The following COL5A2 variants were observed in gnomAD, a reference collection of about 807,000 sequenced individuals.
COL5A2 encodes the protein collagen alpha-2(V) chain.
A neutral mutation model predicts 208.2 loss-of-function variants in COL5A2; 23 were observed. That is an observed-to-expected ratio of 0.11 (90% CI 0.08 to 0.16). The LOEUF (loss-of-function observed/expected upper bound fraction) is 0.16. Ranked by LOEUF, COL5A2 falls within the 10% of genes least tolerant of loss-of-function variation. COL5A2 has a pLI of 1.00. For missense variants in COL5A2, 1,590 were observed against 1,956.4 expected (o/e 0.81, Z 3.53); for synonymous variants, 625 against 628.5 (o/e 0.99, Z 0.08).
chr2:189,228,950 G>A (rs1689449078), upstream of COL5A2, among the ~76,000 whole-genome samples: 1 of 151,740 alleles, frequency 6.6e-6, no homozygotes, highest in African/African-American at 2.4e-5. Context: ...TGTATTAAAA[G>A]GATCACACTA....
the COL5A2 span, among the ~76,000 whole-genome samples, chr2:189,327,357 G>A: frequency 6.6e-5 from 10 of 152,184 alleles, no homozygotes; most frequent in African/African-American, 2.4e-4. Flanking sequence ...AAAAATTGTT[G>A]AGGGTTGGGC....
chr2:189,152,517 T>C (rs540144381), intron 1 of COL5A2, among the ~76,000 whole-genome samples: 26 of 152,314 alleles, frequency 1.7e-4, no homozygotes, highest in Admixed American at 1.7e-3. Flanking sequence ...CCCAGAGAAT[T>C]CACAGTGGAA....
At chr2:189,246,057 T>C in the COL5A2 span, among the ~76,000 whole-genome samples, 2 of 152,222 alleles carry the variant, frequency 1.3e-5, no homozygotes, top group African/African-American at 2.4e-5. Context: ...ATACTCACAA[T>C]TTCATATTTG....
intron 1 of COL5A2, among the ~76,000 whole-genome samples, chr2:189,219,381 T>A (rs1369598915): frequency 6.6e-6 from 1 of 152,180 alleles, no homozygotes; most frequent in South Asian, 2.1e-4. Context: ...TCAAACTTAT[T>A]ATTTATTTTT....
At chr2:189,090,667 T>C (rs994190361) in intron 7 of COL5A2, among the ~76,000 whole-genome samples, 1 of 152,210 alleles carries the variant, frequency 6.6e-6, no homozygotes, top group African/African-American at 2.4e-5. Context: ...AGTGTTTATT[T>C]CTTATTATGG....
At chr2:189,115,905 C>G (rs1486897987) in intron 1 of COL5A2, among the ~76,000 whole-genome samples, 2 of 152,104 alleles carry the variant, frequency 1.3e-5, no homozygotes, top group African/African-American at 4.8e-5. Flanking sequence ...CTTAGGAACC[C>G]TTTTTTGAAT....
intron 17 of COL5A2, among the ~76,000 whole-genome samples, chr2:189,074,950 C>T (rs1356638009): frequency 2.0e-5 from 3 of 152,164 alleles, no homozygotes; most frequent in Non-Finnish European, 4.4e-5. Context: ...AATGATCGCA[C>T]ATTAACTACT....
At chr2:189,250,959 G>C in the COL5A2 span, among the ~76,000 whole-genome samples, 5 of 152,202 alleles carry the variant, frequency 3.3e-5, no homozygotes, top group African/African-American at 1.2e-4. Flanking sequence ...TTCAATTTCT[G>C]TGATGTAAAG....
intron 7 of COL5A2, among the ~76,000 whole-genome samples, chr2:189,091,598 T>C (rs1446431351): frequency 6.6e-6 from 1 of 152,124 alleles, no homozygotes; most frequent in Non-Finnish European, 1.5e-5. Context: ...TTTTTAGACA[T>C]AATGCTATTA....
At chr2:189,307,809 A>T in the COL5A2 span, among the ~76,000 whole-genome samples, 2 of 152,242 alleles carry the variant, frequency 1.3e-5, no homozygotes, top group Non-Finnish European at 2.9e-5. Context: ...TGCAAAATAT[A>T]GTAATTAAGA....
intron 6 of COL5A2, among the ~76,000 whole-genome samples, chr2:189,094,365 G>A (rs1316978992): frequency 6.6e-6 from 1 of 151,826 alleles, no homozygotes; most frequent in Non-Finnish European, 1.5e-5. Context: ...CTCCAAGTGA[G>A]CTGAATTACA....
chr2:189,138,261 A>G (rs1296632956), intron 1 of COL5A2, among the ~76,000 whole-genome samples: 1 of 152,098 alleles, frequency 6.6e-6, no homozygotes, highest in Non-Finnish European at 1.5e-5. Flanking sequence ...GGTGTGAGCC[A>G]ATGCACCCGG....
the COL5A2 span, among the ~76,000 whole-genome samples, chr2:189,350,818 G>C: frequency 6.6e-3 from 1,008 of 152,176 alleles, 10 homozygotes; most frequent in Non-Finnish European, 9.1e-3. Flanking sequence ...TCAACCTCCT[G>C]GTTATTACAT....
At chr2:189,330,349 C>A in the COL5A2 span, among the ~76,000 whole-genome samples, 1 of 152,078 alleles carries the variant, frequency 6.6e-6, no homozygotes, top group African/African-American at 2.4e-5. Context: ...AGAGGTCGCC[C>A]CAACTCACAT....
the COL5A2 span, among the ~76,000 whole-genome samples, chr2:189,427,172 C>T: frequency 6.6e-6 from 1 of 152,234 alleles, no homozygotes; most frequent in African/African-American, 2.4e-5. Flanking sequence ...CCCCATGCAG[C>T]CTCAGGAAAC....
chr2:189,342,555 A>C, the COL5A2 span, among the ~76,000 whole-genome samples: 1 of 150,160 alleles, frequency 6.7e-6, no homozygotes. Context: ...TAAATGAAAA[A>C]TGAAAGCAAA....
upstream of COL5A2, among the ~76,000 whole-genome samples, chr2:189,183,134 T>C (rs1354763284): frequency 3.3e-5 from 5 of 152,172 alleles, no homozygotes; most frequent in African/African-American, 1.2e-4. Context: ...TTTCTAGCAC[T>C]CTAGTTTAGA....
At chr2:189,147,807 C>A (rs1455017651) in intron 1 of COL5A2, among the ~76,000 whole-genome samples, 2 of 152,044 alleles carry the variant, frequency 1.3e-5, no homozygotes, top group Non-Finnish European at 2.9e-5. Flanking sequence ...CATGCCTTAA[C>A]TAATACCCCA....
At chr2:189,310,687 A>C in the COL5A2 span, among the ~76,000 whole-genome samples, 2 of 152,184 alleles carry the variant, frequency 1.3e-5, no homozygotes, top group Non-Finnish European at 2.9e-5. Flanking sequence ...CTATCAATAG[A>C]TGAATGGATA....
Sources: gnomAD v4.1 joint callset for allele counts (sites outside exome capture counted in the v4.1 genomes callset) on GRCh38, gnomAD v4.1.1 for gene constraint, MANE v1.5 for transcripts, NCBI Gene and HGNC (gene_info 2026-07-23, HGNC 2026-07-21) for gene names.